Variants in SND1 observed in about 807,000 individuals in gnomAD.
SND1 encodes the protein staphylococcal nuclease and tudor domain containing 1.
A neutral mutation model predicts 121.7 loss-of-function variants in SND1; 38 were observed. The observed-to-expected ratio is 0.31, with a 90% CI of 0.24 to 0.41. SND1 has a LOEUF of 0.41. Ranked by LOEUF, SND1 falls within the 10% of genes least tolerant of loss-of-function variation. The pLI is 1.00. For synonymous variants in SND1, 401 were observed against 447.4 expected (o/e 0.90, Z 1.31); for missense variants, 868 against 1,184.6 (o/e 0.73, Z 3.92).
At chr7:127,840,388 T>C (rs955228973) in intron 11 of SND1, among the ~76,000 whole-genome samples, 49 of 152,190 alleles carry the variant, frequency 3.2e-4, no homozygotes, top group African/African-American at 1.2e-3. Flanking sequence ...CAGGGCTCTT[T>C]GTGGTCACTC....
At chr7:128,044,694 T>C (rs890423020) in intron 16 of SND1, among the ~76,000 whole-genome samples, 5 of 125,694 alleles carry the variant, frequency 4.0e-5, no homozygotes, top group African/African-American at 1.5e-4. Context: ...TTCCTACTCC[T>C]AAACAATTTA....
chr7:127,784,435 A>G (rs1470504010), intron 10 of SND1, among the ~76,000 whole-genome samples: 2 of 152,116 alleles, frequency 1.3e-5, no homozygotes, highest in Admixed American at 6.6e-5. Context: ...GGAAAACTCT[A>G]AGTCTTCCTT....
chr7:127,851,968 G>A (rs891425800), intron 12 of SND1, among the ~76,000 whole-genome samples: 4 of 151,936 alleles, frequency 2.6e-5, no homozygotes, highest in African/African-American at 9.7e-5. Flanking sequence ...TCCAGCCTGG[G>A]CAACATGGCG....
At chr7:127,997,681 C>A (rs759040185) in intron 16 of SND1, 9 of 526,440 alleles carry the variant, frequency 1.7e-5, no homozygotes, top group South Asian at 1.3e-4. Flanking sequence ...TTCTTGATAA[C>A]CTCTCCAACT....
intron 10 of SND1, among the ~76,000 whole-genome samples, chr7:127,776,660 A>G (rs1427767120): frequency 6.6e-6 from 1 of 152,222 alleles, no homozygotes; most frequent in African/African-American, 2.4e-5. Context: ...AGGTGTAGTT[A>G]AGAAATTAAG....
intron 1 of SND1, among the ~76,000 whole-genome samples, chr7:127,679,663 C>A (rs189405935): frequency 1.8e-4 from 28 of 152,306 alleles, no homozygotes; most frequent in Admixed American, 1.2e-3. Flanking sequence ...CTGCACATTT[C>A]ATATAATGGG....
chr7:128,084,947 TG>T, intron 19 of SND1, 100 bp downstream of exon 19: 9 of 1,211,196 alleles, frequency 7.4e-6, no homozygotes, highest in Non-Finnish European at 1.0e-5. Context: ...TTTCCCCAGC[TG>T]GTTAATGATG....
intron 16 of SND1, among the ~76,000 whole-genome samples, chr7:128,040,924 A>G (rs1361816607): frequency 6.6e-6 from 1 of 152,164 alleles, no homozygotes; most frequent in Non-Finnish European, 1.5e-5. Context: ...CTCCAGCTTG[A>G]GCTATGGTTA....
chr7:128,085,867 T>C lies in SND1; in HGVS notation c.2304+87T>C, dbSNP rs1245157133. The C allele has an allele frequency of 9.6e-6, 11 of 1,143,720 alleles. No individual in the cohort carries two copies. The East Asian group carries it at 2.1e-4, about 22-fold the overall frequency. The allele number at this position is 1,143,720 out of a possible 1,614,324, so 70.8% of individuals were successfully genotyped here. On this transcript the variant is annotated intron_variant, in intron 20 of 23. Coordinates refer to ENST00000354725, the MANE Select transcript of SND1 (RefSeq NM_014390.4). The surrounding 1 kb of genome is among the most constrained non-coding windows in gnomAD (Gnocchi z 4.4). ...CCATCTGATCTCTCCAAGGTCCCTC[T>C]GAGCTTACCAATAGAACAATGAGCA...
intron 16 of SND1, among the ~76,000 whole-genome samples, chr7:128,009,907 T>C (rs900740160): frequency 6.6e-6 from 1 of 152,186 alleles, no homozygotes; most frequent in Non-Finnish European, 1.5e-5. Flanking sequence ...CTTGTCCTTA[T>C]CCTTGCCTCC....
intron 15 of SND1, among the ~76,000 whole-genome samples, chr7:127,978,351 G>C (rs1330890030): frequency 6.6e-6 from 1 of 152,170 alleles, no homozygotes; most frequent in African/African-American, 2.4e-5. Flanking sequence ...AACATCTTAG[G>C]AGCAAAGGAC....
intron 15 of SND1, among the ~76,000 whole-genome samples, chr7:127,935,154 CTGGGAAGTAAAAG>C (rs1801033822): frequency 6.6e-6 from 1 of 152,200 alleles, no homozygotes; most frequent in South Asian, 2.1e-4. Flanking sequence ...TTACAGGTGA[CTGGGAAGTAAAAG>C]TGGGAAGTAA....
intron 15 of SND1, among the ~76,000 whole-genome samples, chr7:127,958,478 G>C (rs1432664173): frequency 6.6e-6 from 1 of 151,920 alleles, no homozygotes; most frequent in East Asian, 1.9e-4. Flanking sequence ...CGCAGAACTA[G>C]GGCTAGCCTG....
At chr7:127,899,328 C>G (rs1192407734) in intron 13 of SND1, among the ~76,000 whole-genome samples, 2 of 151,906 alleles carry the variant, frequency 1.3e-5, no homozygotes, top group African/African-American at 4.8e-5. Flanking sequence ...AGGAGTTCAC[C>G]TAGGACCCCA....
intron 17 of SND1, among the ~76,000 whole-genome samples, chr7:128,076,046 C>A (rs1793501516): frequency 6.6e-6 from 1 of 152,166 alleles, no homozygotes; most frequent in Non-Finnish European, 1.5e-5. Context: ...AGTCTAACGC[C>A]CAGAGGCCAA....
At chr7:127,727,669 A>G (rs935121998) in intron 10 of SND1, among the ~76,000 whole-genome samples, 7 of 152,180 alleles carry the variant, frequency 4.6e-5, no homozygotes, top group African/African-American at 1.2e-4. Context: ...TGAAATGGAT[A>G]TAGCATTTCA....
At chr7:127,706,532 A>G (rs1247884046) in intron 8 of SND1, among the ~76,000 whole-genome samples, 1 of 152,088 alleles carries the variant, frequency 6.6e-6, no homozygotes, top group Non-Finnish European at 1.5e-5. Flanking sequence ...TGCTGGGATT[A>G]CAGGTGTGAG....
At chr7:128,062,238 G>A (rs960344879) in intron 16 of SND1, among the ~76,000 whole-genome samples, 3 of 152,218 alleles carry the variant, frequency 2.0e-5, no homozygotes, top group East Asian at 3.8e-4. Flanking sequence ...GCTATGCATC[G>A]CTTGGTGAGG....
At chr7:128,056,679 G>A (rs762849841) in intron 16 of SND1, among the ~76,000 whole-genome samples, 2 of 152,188 alleles carry the variant, frequency 1.3e-5, no homozygotes, top group Non-Finnish European at 2.9e-5. Flanking sequence ...TGAGAATACA[G>A]GGTGGTACAG....
Sources: allele counts gnomAD v4.1 joint callset (sites outside exome capture counted in the v4.1 genomes callset), GRCh38; gene constraint gnomAD v4.1.1; non-coding constraint Gnocchi (gnomAD v3.1); transcripts MANE v1.5; gene names NCBI Gene and HGNC (gene_info 2026-07-23, HGNC 2026-07-21).